DGKB: variants seen among roughly 807,000 people sequenced by gnomAD.
DGKB encodes 90 kDa diacylglycerol kinase.
In DGKB, 67 loss-of-function variants were observed where a neutral mutation model predicts 114.3. The ratio of observed to expected loss-of-function variants is 0.59; its 90% CI spans 0.48 to 0.72. The LOEUF is 0.72. Ranked by LOEUF, DGKB falls within the 30% of genes least tolerant of loss-of-function variation. The pLI is 0.00. For synonymous variants in DGKB, 398 were observed against 323.1 expected (o/e 1.23, Z -2.49); for missense variants, 907 against 975.2 (o/e 0.93, Z 0.93).
At chr7:14,162,472 G>A (rs1474139813) in intron 25 of DGKB, among the ~76,000 whole-genome samples, 1 of 151,878 alleles carries the variant, frequency 6.6e-6, no homozygotes, top group Non-Finnish European at 1.5e-5. Flanking sequence ...AATACATAAG[G>A]TATTACATAT....
intron 2 of DGKB, among the ~76,000 whole-genome samples, chr7:14,829,630 T>C (rs1846145894): frequency 1.3e-5 from 2 of 152,134 alleles, no homozygotes; most frequent in Non-Finnish European, 2.9e-5. Flanking sequence ...AGGGATTGCG[T>C]GAAGCAATCC....
intron 13 of DGKB, among the ~76,000 whole-genome samples, chr7:14,650,505 A>T (rs2128896596): frequency 1.6e-5 from 1 of 61,788 alleles, no homozygotes; most frequent in Admixed American, 2.1e-4. Flanking sequence ...CAGTGTGTAG[A>T]GGGAAATTTA....
At chr7:14,193,973 A>T (rs1784676541) in intron 23 of DGKB, among the ~76,000 whole-genome samples, 1 of 152,184 alleles carries the variant, frequency 6.6e-6, no homozygotes, top group Non-Finnish European at 1.5e-5. Flanking sequence ...TCATAAAGGA[A>T]ATGTAAATGA....
intron 23 of DGKB, among the ~76,000 whole-genome samples, chr7:14,226,533 T>C (rs1790830200): frequency 6.6e-6 from 1 of 152,016 alleles, no homozygotes; most frequent in South Asian, 2.1e-4. Context: ...GTATTTTAAT[T>C]GGCATTCTGC....
rs1831339582 is a variant in DGKB at position 14,450,558 on chromosome 7, C to T, written c.1835+27603G>A. Among the ~76,000 whole-genome samples the T allele has an allele frequency of 2.6e-5, 4 of 151,992 alleles. No homozygotes were observed. The South Asian group carries it at 8.3e-4, about 32-fold the overall frequency. On this transcript the variant is annotated intron_variant, in intron 21 of 25. Transcript: ENST00000402815. ...ATTAGAGAGACAAGAGATTGGATAT[C>T]AGGATTGGTCCCCTTATTCTTCAGG...
At chr7:14,632,212 C>T (rs1191407679) in intron 13 of DGKB, among the ~76,000 whole-genome samples, 1 of 151,838 alleles carries the variant, frequency 6.6e-6, no homozygotes, top group African/African-American at 2.4e-5. Flanking sequence ...TAACTGTAGA[C>T]ATTTGAATAT....
intron 1 of DGKB, among the ~76,000 whole-genome samples, chr7:14,957,660 TAA>T (rs1362487733): frequency 1.3e-5 from 2 of 152,100 alleles, no homozygotes; most frequent in Non-Finnish European, 2.9e-5. Context: ...CTATTTCATA[TAA>T]GACTGCCACA....
At chr7:14,824,392 C>A (rs6461138) in intron 2 of DGKB, among the ~76,000 whole-genome samples, 134,922 of 152,172 alleles carry the variant, frequency 0.89, 60,212 homozygotes, top group East Asian at 1. Context: ...GGGTAAGGAC[C>A]TAGAACGTGT....
chr7:14,926,501 T>A (rs930598332), intron 1 of DGKB, among the ~76,000 whole-genome samples: 1 of 140,250 alleles, frequency 7.1e-6, no homozygotes, highest in African/African-American at 2.7e-5. Context: ...GTGTTTTTTG[T>A]TTTTTTTTTT....
intron 23 of DGKB, among the ~76,000 whole-genome samples, chr7:14,230,692 A>AC (rs1791584037): frequency 6.6e-6 from 1 of 150,478 alleles, no homozygotes; most frequent in South Asian, 2.1e-4. Flanking sequence ...TCTGAGATCA[A>AC]CCGATCTTTC....
At chr7:14,166,854 C>A (rs762829517) in intron 25 of DGKB, among the ~76,000 whole-genome samples, 6 of 152,018 alleles carry the variant, frequency 3.9e-5, no homozygotes, top group Non-Finnish European at 7.4e-5. Context: ...AAAACCCTGT[C>A]CTACTGGTAC....
chr7:14,429,884 G>A (rs1313930223), intron 21 of DGKB, among the ~76,000 whole-genome samples: 1 of 151,926 alleles, frequency 6.6e-6, no homozygotes, highest in Non-Finnish European at 1.5e-5. Context: ...CTGAGATCAG[G>A]CCACTGGACT....
rs11348925 is a variant in DGKB at position 14,737,283 on chromosome 7, ATTTTTTTTTTTTTT to A, written c.169-1103_169-1090del. ...CTTTATAGGTAGCCCTTGAAGGCCA[ATTTTTTTTTTTTTT>A]TTTTTTTTTTTTTTTACCCAGTTTA... On this transcript the variant is annotated intron_variant, in intron 4 of 25. Coordinates refer to ENST00000402815, the MANE Select transcript of DGKB (RefSeq NM_001350709.2). 8.6e-3 allele frequency among the ~76,000 whole-genome samples: 713 copies of A among 82,550 alleles called. 2 individuals are homozygous for A. Among genetic ancestry groups the A allele is most frequent in the Non-Finnish European group, 0.01 (437 of 42,402 alleles). 54.2% of individuals were successfully genotyped at this position (82,550 alleles called of 152,430 possible).
At chr7:14,161,555 C>G (rs967024880) in intron 25 of DGKB, among the ~76,000 whole-genome samples, 6 of 152,016 alleles carry the variant, frequency 3.9e-5, no homozygotes, top group African/African-American at 1.5e-4. Flanking sequence ...TATCAGCAAA[C>G]TAACACAGGA....
rs35166956 is a variant in DGKB, at chr7:14,972,671, GA to G, written c.-188+2024del. 4.3e-3 allele frequency among the ~76,000 whole-genome samples: 607 copies of G among 140,798 alleles called. 2 individuals are homozygous for G. The highest frequency in any genetic ancestry group is 0.01 in the African/African-American group (415 of 40,046). The allele number at this position is 140,798 out of a possible 152,430, so 92.4% of individuals were successfully genotyped here. On this transcript the variant is annotated intron_variant, in intron 1 of 4. Transcript: ENST00000437998. Reference sequence around the variant, plus strand: ...TGCTGATGTCCTCTCAAAGATTGTTGAAAAAAAAAAAAAAGACAAAATCTGC... The same window carrying G: ...TGCTGATGTCCTCTCAAAGATTGTTGAAAAAAAAAAAAAGACAAAATCTGC...
chr7:14,729,343 C>G (rs573234664), intron 5 of DGKB, among the ~76,000 whole-genome samples: 1 of 151,830 alleles, frequency 6.6e-6, no homozygotes, highest in Non-Finnish European at 1.5e-5. Context: ...AGGATGGTCT[C>G]GATCTCCTGA....
At chr7:14,896,325 T>C (rs1214000287) in intron 1 of DGKB, among the ~76,000 whole-genome samples, 2 of 151,770 alleles carry the variant, frequency 1.3e-5, no homozygotes, top group African/African-American at 4.8e-5. Flanking sequence ...GATGTTCTTC[T>C]GGGTAGTTTA....
At chr7:14,730,325 A>T (rs189827244) in intron 5 of DGKB, among the ~76,000 whole-genome samples, 4 of 152,256 alleles carry the variant, frequency 2.6e-5, no homozygotes, top group African/African-American at 7.2e-5. Flanking sequence ...CAAGGGACAA[A>T]TGGTGTCTTG....
intron 13 of DGKB, among the ~76,000 whole-genome samples, chr7:14,672,121 T>C (rs1241362977): frequency 6.6e-6 from 1 of 152,050 alleles, no homozygotes; most frequent in African/African-American, 2.4e-5. Context: ...ATGAGTAATA[T>C]GATTAATTTC....
Sources: gnomAD v4.1 joint callset for allele counts (sites outside exome capture counted in the v4.1 genomes callset) on GRCh38, gnomAD v4.1.1 for gene constraint, MANE v1.5 for transcripts, NCBI Gene and HGNC (gene_info 2026-07-23, HGNC 2026-07-21) for gene names.